Variants in CSMD2 observed in about 807,000 individuals in gnomAD.
CSMD2 encodes CUB and sushi domain-containing protein 2.
CSMD2 carries 130 observed loss-of-function variants against 398.5 expected under a neutral mutation model. That is an observed-to-expected ratio of 0.33 (90% CI 0.28 to 0.38). The LOEUF (loss-of-function observed/expected upper bound fraction) is 0.38. Ranked by LOEUF, CSMD2 falls within the 10% of genes least tolerant of loss-of-function variation. The pLI, the probability that CSMD2 is intolerant of heterozygous loss-of-function variation, is 1.00. For missense variants in CSMD2, 3,829 were observed against 4,764.9 expected, an observed-to-expected ratio of 0.80 and a Z score of 5.78; for synonymous variants, 1,828 against 1,908.5, an observed-to-expected ratio of 0.96 and a Z score of 1.10.
chr1:34,068,786 G>A (rs766422110), intron 2 of CSMD2, among the ~76,000 whole-genome samples: 7 of 152,152 alleles, frequency 4.6e-5, no homozygotes, highest in Admixed American at 6.5e-5. Context: ...TCTTTCCCCT[G>A]CTGTTCTCAT....
Position 33,661,379 on chromosome 1 carries a change from C to T in CSMD2, c.4255+1511G>A, listed in dbSNP as rs116660694. ...CCAGCAACTTCCCAAGTTTGTTCCA[C>T]GAAATGTTAGTCTCTTGAGATGGCC... On this transcript the variant is annotated intron_variant, in intron 26 of 70. Coordinates refer to ENST00000373381, the MANE Select transcript of CSMD2 (RefSeq NM_001281956.2). Among the ~76,000 whole-genome samples the T allele has an allele frequency of 8.1e-3, 1,232 of 152,108 alleles. 21 individuals are homozygous for T. Among genetic ancestry groups the T allele is most frequent in the African/African-American group, 0.028 (1,171 of 41,470 alleles).
At chr1:33,563,798 T>A (rs544855983) in intron 53 of CSMD2, among the ~76,000 whole-genome samples, 2 of 152,214 alleles carry the variant, frequency 1.3e-5, no homozygotes, top group East Asian at 1.9e-4. Context: ...AACAGCTGTA[T>A]GGAGAAAGGG....
intron 6 of CSMD2, chr1:33,839,937 G>A (rs1032836816): frequency 1.3e-5 from 2 of 152,790 alleles, no homozygotes; most frequent in African/African-American, 2.4e-5. Flanking sequence ...CCAGAAGCTG[G>A]TTATGCACTA....
At chr1:33,997,078 C>T (rs1224809068) in intron 3 of CSMD2, among the ~76,000 whole-genome samples, 1 of 152,178 alleles carries the variant, frequency 6.6e-6, no homozygotes, top group East Asian at 1.9e-4. Context: ...AACCCTCAGG[C>T]CACACTGAAT....
rs369137593 is a variant in CSMD2 at position 33,996,599 on chromosome 1, C to A, written c.517+35995G>T. Among the ~76,000 whole-genome samples, 15 of 152,314 alleles carry A rather than the reference C, an allele frequency of 9.8e-5. No individual in the cohort carries two copies. In the South Asian group the frequency reaches 2.9e-3, roughly 29 times the overall value. ...AAGGGTTGCTCACTCAAGGGGCCACCCCTCTAGGCAGGCAGCTGGGGCATC... is the reference window on the plus strand; with the variant it reads ...AAGGGTTGCTCACTCAAGGGGCCACACCTCTAGGCAGGCAGCTGGGGCATC... On this transcript the variant is annotated intron_variant, in intron 3 of 70. Coordinates refer to ENST00000373381, the MANE Select transcript of CSMD2 (RefSeq NM_001281956.2).
chr1:34,008,168 C>T (rs1159832453), intron 3 of CSMD2, among the ~76,000 whole-genome samples: 1 of 152,212 alleles, frequency 6.6e-6, no homozygotes, highest in Non-Finnish European at 1.5e-5. Context: ...AAACCACAGA[C>T]GTGCTCCATA....
At chr1:33,979,326 C>A (rs1198240818) in intron 3 of CSMD2, among the ~76,000 whole-genome samples, 1 of 152,094 alleles carries the variant, frequency 6.6e-6, no homozygotes, top group Non-Finnish European at 1.5e-5. Context: ...GCCAGACAAG[C>A]CTATTTTGTG....
intron 22 of CSMD2, among the ~76,000 whole-genome samples, chr1:33,704,895 T>C (rs984800702): frequency 6.6e-6 from 1 of 151,600 alleles, no homozygotes; most frequent in African/African-American, 2.4e-5. Flanking sequence ...CCCAAGTAGC[T>C]GGGACTACAG....
In CSMD2 at chr1:33,725,527, G is replaced by A. The variant is rs186849997; in HGVS notation, c.2517C>T (p.Thr839=). The part of the protein sequence containing the change: ...PIKITFDRFK[T]EVNYDTLEVR... The stretch of plus-strand genomic sequence containing the variant: ...CTTCCAGGGTGTCATAGTTGACCTC[G>A]GTTTTGAATCTGCCAAATGACAGAA... Residue 839 remains threonine, a synonymous_variant, in exon 17 of 71, where the codon ACC becomes ACT. Coordinates refer to ENST00000373381, the MANE Select transcript of CSMD2 (RefSeq NM_001281956.2). The A allele has an allele frequency of 3.0e-4, 485 of 1,614,096 alleles. 6 individuals carry two copies. The East Asian group carries it at 0.011, about 35-fold the overall frequency.
chr1:33,583,572 G>T (rs1638873124), intron 47 of CSMD2, 70 bp downstream of exon 47: 3 of 1,470,948 alleles, frequency 2.0e-6, no homozygotes, highest in South Asian at 1.3e-5. Context: ...CTGCAGCACA[G>T]ACTCCTCGGG....
chr1:33,746,581 T>A (rs979709463), intron 13 of CSMD2, among the ~76,000 whole-genome samples: 1 of 152,238 alleles, frequency 6.6e-6, no homozygotes, highest in Non-Finnish European at 1.5e-5. Context: ...CTATATATGA[T>A]AGCTCTGCTT....
At chr1:33,978,502 G>A (rs1056706694) in intron 3 of CSMD2, among the ~76,000 whole-genome samples, 1 of 152,164 alleles carries the variant, frequency 6.6e-6, no homozygotes, top group African/African-American at 2.4e-5. Context: ...AGCTCTGAGA[G>A]GAGGCTTTTC....
chr1:33,652,301 C>CA, intron 28 of CSMD2, 22 bp downstream of exon 28: 1 of 1,612,554 alleles, frequency 6.2e-7, no homozygotes, highest in South Asian at 1.1e-5. Flanking sequence ...CTTCGTCTCC[C>CA]ACCCGGGGGA....
intron 1 of CSMD2, among the ~76,000 whole-genome samples, chr1:34,150,079 C>CTTT (rs772520303): frequency 0.017 from 2,303 of 137,970 alleles, 83 homozygotes; most frequent in African/African-American, 0.06. Context: ...TTTCTTCTTT[C>CTTT]TTTTTTTTTT....
chr1:33,817,630 C>T (rs756063404), intron 9 of CSMD2, among the ~76,000 whole-genome samples: 14 of 152,206 alleles, frequency 9.2e-5, no homozygotes, highest in Non-Finnish European at 1.6e-4. Context: ...GTGGACAGTG[C>T]CCAGCAGGTT....
chr1:34,098,692 G>T (rs1284380881), intron 1 of CSMD2, among the ~76,000 whole-genome samples: 2 of 151,998 alleles, frequency 1.3e-5, no homozygotes, highest in South Asian at 2.1e-4. Flanking sequence ...AAAGACTTTT[G>T]CTGGATCAAC....
intron 3 of CSMD2, among the ~76,000 whole-genome samples, chr1:33,968,308 A>T (rs1187315232): frequency 6.6e-6 from 1 of 152,212 alleles, no homozygotes; most frequent in African/African-American, 2.4e-5. Context: ...TACAAATTCC[A>T]GGTGGCAGAT....
At chr1:34,000,266 C>T (rs1045380775) in intron 3 of CSMD2, among the ~76,000 whole-genome samples, 2 of 151,964 alleles carry the variant, frequency 1.3e-5, no homozygotes, top group African/African-American at 4.8e-5. Flanking sequence ...ATGGGAGTGT[C>T]CCGCGGAAAC....
In CSMD2 at chr1:33,624,452, T is replaced by C; in HGVS notation, c.5625+67A>G. 6.3e-7 allele frequency: 1 copy of C among 1,582,788 alleles called. No homozygotes were observed. Among genetic ancestry groups the C allele is most frequent in the Non-Finnish European group, 8.6e-7 (1 of 1,162,400 alleles). Reference sequence around the variant, plus strand: ...TGGCACCAGCCAGCACCTGTGGTTGTCACCTGTGAGCTGTTACCTGGGAGC... The same window carrying C: ...TGGCACCAGCCAGCACCTGTGGTTGCCACCTGTGAGCTGTTACCTGGGAGC... On this transcript the variant is annotated intron_variant, in intron 35 of 70. Coordinates refer to ENST00000373381, the MANE Select transcript of CSMD2 (RefSeq NM_001281956.2). This position sits in a 1 kb window ranked among gnomAD's most constrained non-coding sequence, Gnocchi z 4.7.
Sources: allele counts gnomAD v4.1 joint callset (sites outside exome capture counted in the v4.1 genomes callset), GRCh38; gene constraint gnomAD v4.1.1; non-coding constraint Gnocchi (gnomAD v3.1); transcripts MANE v1.5; gene names NCBI Gene and HGNC (gene_info 2026-07-23, HGNC 2026-07-21).